The following SPOCK1 variants were observed in gnomAD, a reference collection of about 807,000 sequenced individuals.
SPOCK1 encodes the protein SPARC (osteonectin), cwcv and kazal like domains proteoglycan 1.
A neutral mutation model predicts 55.3 loss-of-function variants in SPOCK1; 23 were observed. The ratio of observed to expected loss-of-function variants is 0.42; its 90% confidence interval spans 0.30 to 0.59. The LOEUF is 0.59. Ranked by LOEUF, SPOCK1 falls within the 20% of genes least tolerant of loss-of-function variation. The pLI is 0.22. For synonymous variants in SPOCK1, 226 were observed against 221.0 expected (o/e 1.02, Z -0.20); for missense variants, 499 against 552.5 (o/e 0.90, Z 0.97).
intron 3 of SPOCK1, among the ~76,000 whole-genome samples, chr5:137,188,754 A>T (rs1466009050): frequency 2.0e-5 from 3 of 152,284 alleles, no homozygotes; most frequent in Non-Finnish European, 4.4e-5. Context: ...TAAATGATTA[A>T]ACTTGGTGAA....
At chr5:137,044,582 G>A (rs112904164) in intron 6 of SPOCK1, among the ~76,000 whole-genome samples, 2,687 of 152,106 alleles carry the variant, frequency 0.018, 28 homozygotes, top group Non-Finnish European at 0.028. Context: ...ACTATTACAT[G>A]GAAACATACA....
chr5:137,086,966 C>T (rs947786607), intron 5 of SPOCK1, among the ~76,000 whole-genome samples: 20 of 152,078 alleles, frequency 1.3e-4, no homozygotes, highest in African/African-American at 2.7e-4. Context: ...CCAAGGTCAC[C>T]GGGATAATAC....
chr5:137,093,531 A>G (rs1253908012), intron 5 of SPOCK1, among the ~76,000 whole-genome samples: 1 of 152,254 alleles, frequency 6.6e-6, no homozygotes, highest in Non-Finnish European at 1.5e-5. Flanking sequence ...TTGAGTAGCA[A>G]GTGAAATAAG....
intron 2 of SPOCK1, among the ~76,000 whole-genome samples, chr5:137,373,809 T>C (rs1166024082): frequency 6.6e-6 from 1 of 152,232 alleles, no homozygotes. Context: ...CAAACAGACC[T>C]GGCTCAGCGT....
At chr5:137,079,545 C>CCCCCG (rs368106497) in intron 5 of SPOCK1, among the ~76,000 whole-genome samples, 2 of 148,584 alleles carry the variant, frequency 1.3e-5, no homozygotes, top group Admixed American at 1.3e-4. Context: ...CCCCCCCCCC[C>CCCCCG]GACTTAGTGA....
rs564124801 is a variant in SPOCK1, at chr5:137,283,738, A to C, written c.187-16683T>G. On this transcript the variant is annotated intron_variant, in intron 2 of 10. Transcript: ENST00000394945. ...TCAAAAACAAGATGAAACAAACAAAAAAAAAAACTAGTGTAGAGGTAAAAG... is the reference window on the plus strand; with the variant it reads ...TCAAAAACAAGATGAAACAAACAAACAAAAAAACTAGTGTAGAGGTAAAAG... Among the ~76,000 whole-genome samples the C allele has an allele frequency of 1.0e-3, 153 of 152,272 alleles. 1 individual carries two copies. Among genetic ancestry groups the C allele is most frequent in the Middle Eastern group, 3.4e-3 (1 of 294 alleles).
At chr5:137,128,231 C>T (rs1753812688) in intron 4 of SPOCK1, among the ~76,000 whole-genome samples, 3 of 152,198 alleles carry the variant, frequency 2.0e-5, no homozygotes, top group Non-Finnish European at 4.4e-5. Flanking sequence ...TGCCAGTACC[C>T]TGACCTTGGA....
chr5:137,310,383 T>C (rs1215451629), intron 2 of SPOCK1, among the ~76,000 whole-genome samples: 4 of 152,218 alleles, frequency 2.6e-5, no homozygotes, highest in Admixed American at 2.6e-4. Context: ...GGTGGAACCA[T>C]GCTAGTGTCA....
chr5:137,146,482 TCCCAAGGTTC>T (rs1365114214), intron 3 of SPOCK1, among the ~76,000 whole-genome samples: 2 of 152,188 alleles, frequency 1.3e-5, no homozygotes, highest in Non-Finnish European at 2.9e-5. Flanking sequence ...AGTCATGCGA[TCCCAAGGTTC>T]ACGTGAAGAG....
Position 137,215,418 on chromosome 5 carries a change from C to T in SPOCK1, c.232+51592G>A, listed in dbSNP as rs562441377. On this transcript the variant is annotated intron_variant, in intron 3 of 10. Transcript: ENST00000394945. ...CCCACCTAGAGAAGACTTACATCAA[C>T]TAAGCTTTGAGGGACAAGAGGAAAA... Among the ~76,000 whole-genome samples the T allele has an allele frequency of 2.0e-5, 3 of 152,242 alleles. No individual in the cohort carries two copies. In the South Asian group the frequency reaches 6.2e-4, roughly 32 times the overall value.
chr5:137,459,395 G>A (rs1753432045), intron 2 of SPOCK1, among the ~76,000 whole-genome samples: 1 of 151,504 alleles, frequency 6.6e-6, no homozygotes, highest in East Asian at 1.9e-4. Flanking sequence ...ATGAAGAGGT[G>A]GTTCCAAGAG....
chr5:137,261,617 C>T lies in SPOCK1; in HGVS notation c.232+5393G>A, dbSNP rs1580835353. On this transcript the variant is annotated intron_variant, in intron 3 of 10. Transcript: ENST00000394945. The stretch of plus-strand genomic sequence containing the variant: ...AGATCAATTTCTACAAGTTCACATG[C>T]TGCTTTGAAGATCACCAGCAACATC... Among the ~76,000 whole-genome samples, 3 of 152,232 alleles carry T rather than the reference C, an allele frequency of 2.0e-5. No homozygotes were observed. The South Asian group carries it at 6.2e-4, about 32-fold the overall frequency.
intron 6 of SPOCK1, among the ~76,000 whole-genome samples, chr5:137,011,389 C>G (rs1455717243): frequency 6.6e-6 from 1 of 152,028 alleles, no homozygotes; most frequent in African/African-American, 2.4e-5. Flanking sequence ...CTAAGGACTC[C>G]CAGGAATTAT....
intron 2 of SPOCK1, among the ~76,000 whole-genome samples, chr5:137,455,905 T>C (rs940890388): frequency 6.6e-6 from 1 of 151,996 alleles, no homozygotes; most frequent in Non-Finnish European, 1.5e-5. Flanking sequence ...GGTGTAGTGG[T>C]GCACACCTAG....
At chr5:137,059,436 A>G (rs1231351968) in intron 6 of SPOCK1, among the ~76,000 whole-genome samples, 1 of 152,266 alleles carries the variant, frequency 6.6e-6, no homozygotes, top group Non-Finnish European at 1.5e-5. Context: ...AAATAAATAA[A>G]TAACCAAACT....
At chr5:137,477,074 C>T (rs926629911) in intron 2 of SPOCK1, among the ~76,000 whole-genome samples, 6 of 152,102 alleles carry the variant, frequency 3.9e-5, no homozygotes, top group African/African-American at 1.4e-4. Flanking sequence ...AAACTAAAAA[C>T]AGTCCAAATG....
At chr5:137,483,939 C>T (rs1753999812) in intron 2 of SPOCK1, among the ~76,000 whole-genome samples, 1 of 152,206 alleles carries the variant, frequency 6.6e-6, no homozygotes, top group Admixed American at 6.5e-5. Context: ...TGCCTGCTCT[C>T]TGAGGTGAGT....
chr5:137,129,398 A>G lies in SPOCK1; in HGVS notation c.347+11182T>C, dbSNP rs555963361. ...ACCAATTCACCAAGACTGTGATATT[A>G]TAGTAGAAAAAGAGTTTAATGCGGA... is the stretch of plus-strand genomic sequence containing the variant. On this transcript the variant is annotated intron_variant, in intron 4 of 10. Transcript: ENST00000394945. Among the ~76,000 whole-genome samples, 10 of 152,328 alleles carry G rather than the reference A, an allele frequency of 6.6e-5. No homozygotes were observed. The East Asian group carries it at 1.9e-3, about 29-fold the overall frequency.
At chr5:137,384,780 T>C (rs1376228882) in intron 2 of SPOCK1, among the ~76,000 whole-genome samples, 2 of 152,108 alleles carry the variant, frequency 1.3e-5, no homozygotes, top group Non-Finnish European at 2.9e-5. Flanking sequence ...GTGTGTCAAA[T>C]AACCCTTTCC....
Sources: gnomAD v4.1 joint callset for allele counts (sites outside exome capture counted in the v4.1 genomes callset) on GRCh38, gnomAD v4.1.1 for gene constraint, MANE v1.5 for transcripts, NCBI Gene and HGNC (gene_info 2026-07-23, HGNC 2026-07-21) for gene names.